Variants in ACTR3B observed in about 807,000 individuals in gnomAD.
ACTR3B encodes the protein actin related protein 3B.
In ACTR3B, 8 loss-of-function variants were observed where a neutral mutation model predicts 59.0. That is an observed-to-expected ratio of 0.14 (90% CI 0.08 to 0.24). The LOEUF is 0.24. ACTR3B is among the 10% of genes least tolerant of loss of function. The pLI is 1.00. For missense variants in ACTR3B, 245 were observed against 552.3 expected (o/e 0.44, Z 5.58); for synonymous variants, 148 against 197.9 (o/e 0.75, Z 2.12).
At chr7:152,839,175 A>G (rs1333203644) in intron 9 of ACTR3B, among the ~76,000 whole-genome samples, 1 of 147,446 alleles carries the variant, frequency 6.8e-6, no homozygotes. Context: ...ATTGGTCTAT[A>G]CAAGGTGGGG....
intron 1 of ACTR3B, among the ~76,000 whole-genome samples, chr7:152,773,121 G>A (rs1360354905): frequency 6.8e-6 from 1 of 146,980 alleles, no homozygotes; most frequent in Non-Finnish European, 1.5e-5. Context: ...AAGGAAACAG[G>A]CAACAACAAG....
chr7:152,821,899 C>T (rs1408036714), intron 7 of ACTR3B, among the ~76,000 whole-genome samples: 1 of 152,230 alleles, frequency 6.6e-6, no homozygotes, highest in African/African-American at 2.4e-5. Context: ...GAGTGTGTAA[C>T]GTGAGCACAC....
chr7:152,773,484 G>T (rs2098129084), intron 1 of ACTR3B, among the ~76,000 whole-genome samples: 1 of 152,020 alleles, frequency 6.6e-6, no homozygotes, highest in South Asian at 2.1e-4. Context: ...CTACTCAGGA[G>T]GCTGAGGCAG....
At chr7:152,808,819 A>C (rs1346031885) in intron 4 of ACTR3B, among the ~76,000 whole-genome samples, 1 of 152,164 alleles carries the variant, frequency 6.6e-6, no homozygotes, top group Non-Finnish European at 1.5e-5. Flanking sequence ...GAGTACTTCT[A>C]TGTGCCCAGC....
chr7:152,776,818 C>G (rs1276115379), intron 1 of ACTR3B, among the ~76,000 whole-genome samples: 1 of 152,138 alleles, frequency 6.6e-6, no homozygotes, highest in Non-Finnish European at 1.5e-5. Context: ...TTAAGCTGGC[C>G]TCACATTATA....
chr7:152,851,024 T>G (rs1798759827), intron 9 of ACTR3B, among the ~76,000 whole-genome samples: 1 of 152,218 alleles, frequency 6.6e-6, no homozygotes, highest in African/African-American at 2.4e-5. Context: ...GGAGATACAC[T>G]AGTCCCCCTT....
chr7:152,785,280 G>A (rs1443116306), intron 2 of ACTR3B, among the ~76,000 whole-genome samples: 14 of 146,014 alleles, frequency 9.6e-5, no homozygotes, highest in East Asian at 2.0e-4. Context: ...GGCTGCAGCT[G>A]TCAGAACCTT....
chr7:152,812,803 C>T (rs1795374443), intron 4 of ACTR3B: 1 of 140,962 alleles, frequency 7.1e-6, no homozygotes, highest in African/African-American at 2.6e-5. Context: ...GCTGATTGTA[C>T]TTTCCCTGTC....
chr7:152,849,277 T>C (rs557299286), intron 9 of ACTR3B, among the ~76,000 whole-genome samples: 1 of 152,254 alleles, frequency 6.6e-6, no homozygotes, highest in South Asian at 2.1e-4. Context: ...TCTGCTATGC[T>C]CAGGGCTGTT....
intron 1 of ACTR3B, among the ~76,000 whole-genome samples, chr7:152,763,943 C>T (rs1470111771): frequency 6.6e-6 from 1 of 152,094 alleles, no homozygotes; most frequent in Non-Finnish European, 1.5e-5. Context: ...TTATCTATTG[C>T]TTAAATTGTC....
At chr7:152,832,370 C>A (rs896488014) in intron 9 of ACTR3B, among the ~76,000 whole-genome samples, 7 of 152,054 alleles carry the variant, frequency 4.6e-5, no homozygotes, top group African/African-American at 1.4e-4. Context: ...GGTGTGCTCA[C>A]AGAAATAAAA....
At chr7:152,835,792 C>G (rs1452733924) in intron 9 of ACTR3B, among the ~76,000 whole-genome samples, 1 of 152,210 alleles carries the variant, frequency 6.6e-6, no homozygotes, top group Non-Finnish European at 1.5e-5. Flanking sequence ...TAATTTGCTA[C>G]ATACTTTAGT....
intron 1 of ACTR3B, 26 bp downstream of exon 1, chr7:152,759,952 C>G (rs766193957): frequency 2.2e-4 from 301 of 1,345,840 alleles, no homozygotes; most frequent in Non-Finnish European, 2.8e-4. Context: ...CGCCCACCCC[C>G]GCTCCTCCGC....
chr7:152,823,258 T>C, intron 7 of ACTR3B, 84 bp from the exon 8 acceptor site: 2 of 1,565,536 alleles, frequency 1.3e-6, no homozygotes, highest in South Asian at 1.2e-5. Flanking sequence ...GTGTGTTTGC[T>C]CATGGGCTTC....
chr7:152,834,590 G>A (rs1054422915), intron 9 of ACTR3B, among the ~76,000 whole-genome samples: 6 of 152,154 alleles, frequency 3.9e-5, no homozygotes, highest in African/African-American at 1.4e-4. Context: ...TTTCTTAAGC[G>A]ATTGAAATTC....
chr7:152,833,405 CA>C (rs1797185906), intron 9 of ACTR3B, among the ~76,000 whole-genome samples: 1 of 152,154 alleles, frequency 6.6e-6, no homozygotes, highest in Admixed American at 6.5e-5. Flanking sequence ...TAAAAAGCTC[CA>C]GTTCCTAAGG....
chr7:152,806,252 G>A (rs1335297618), intron 4 of ACTR3B, among the ~76,000 whole-genome samples: 22 of 152,222 alleles, frequency 1.4e-4, no homozygotes, highest in Non-Finnish European at 1.5e-5. Context: ...GATGAAATGG[G>A]AGGTTGAGGA....
intron 9 of ACTR3B, among the ~76,000 whole-genome samples, chr7:152,827,649 G>A (rs201052608): frequency 1.3e-5 from 2 of 151,010 alleles, no homozygotes; most frequent in East Asian, 2.0e-4. Flanking sequence ...CCCCGCTGCC[G>A]GGGAGGAGAC....
chr7:152,834,690 C>T lies in ACTR3B; in HGVS notation c.951+9568C>T, dbSNP rs964355094. On this transcript the variant is annotated intron_variant, in intron 9 of 11. Coordinates refer to ENST00000256001, the MANE Select transcript of ACTR3B (RefSeq NM_020445.6). ...TTTTTCTGTATTTAGGTTTTTGACA[C>T]TCTTCTAGCTTAGGTCAAGATTTAT... 1.8e-4 allele frequency among the ~76,000 whole-genome samples: 28 copies of T among 152,180 alleles called. 1 individual carries two copies. Among genetic ancestry groups the T allele is most frequent in the Non-Finnish European group, 2.9e-5 (2 of 68,040 alleles).
Sources: gnomAD v4.1 joint callset for allele counts (sites outside exome capture counted in the v4.1 genomes callset) on GRCh38, gnomAD v4.1.1 for gene constraint, MANE v1.5 for transcripts, NCBI Gene and HGNC (gene_info 2026-07-23, HGNC 2026-07-21) for gene names.